Variants in JCAD observed in about 807,000 individuals in gnomAD.
JCAD encodes the protein junctional cadherin 5 associated.
In JCAD, 40 loss-of-function variants were observed where a neutral mutation model predicts 98.0. That is an observed-to-expected ratio of 0.41 (90% confidence interval 0.32 to 0.53). The LOEUF (loss-of-function observed/expected upper bound fraction) is 0.53. Among genes scored for constraint, JCAD ranks in the 20% least tolerant of loss-of-function variants. The pLI, the probability that JCAD is intolerant of heterozygous loss-of-function variation, is 0.31. For synonymous variants in JCAD, 691 were observed against 682.3 expected, an observed-to-expected ratio of 1.01 and a Z score of -0.20; for missense variants, 1,705 against 1,738.1, an observed-to-expected ratio of 0.98 and a Z score of 0.34.
At position 30,051,196 on chromosome 10, in the gene JCAD, A is replaced by G. The variant is rs551670628; in HGVS notation, c.-59-3325T>C. Among the ~76,000 whole-genome samples the G allele has an allele frequency of 3.9e-5, 6 of 152,256 alleles. No homozygotes were observed. The East Asian group carries it at 1.2e-3, about 29-fold the overall frequency. On this transcript the variant is annotated intron_variant, in intron 1 of 3. Transcript: ENST00000375377. ...AAAAACCATATATTTAAAAGGAAAA[A>G]AATTCTCCTTTATTCTCTAGGAGCA... is the stretch of plus-strand genomic sequence containing the variant.
chr10:30,053,001 C>T (rs1397544355), intron 1 of JCAD, among the ~76,000 whole-genome samples: 1 of 152,038 alleles, frequency 6.6e-6, no homozygotes, highest in African/African-American at 2.4e-5. Context: ...TGGCCTAGAA[C>T]ACAAACTAAA....
rs1181879667 is a variant in JCAD at position 30,027,871 on chromosome 10, G to A, written c.2277C>T (p.Ser759=). ...AAGTCCTTGAGAACGCACTGTTGCT[G>A]GATGGGCTGAGGGACCTGTGACCTT... ...NLKGHRSLSP[S]SNSAFSRTSL... The change falls in exon 3 of 4, where the codon TCC becomes TCT. Residue 759 remains serine, a synonymous_variant. Transcript: ENST00000375377. The A allele has an allele frequency of 1.9e-6, 3 of 1,614,246 alleles. No homozygotes were observed. Among genetic ancestry groups the A allele is most frequent in the Non-Finnish European group, 2.5e-6 (3 of 1,180,042 alleles).
At position 30,014,709 on chromosome 10, in the gene JCAD, G is replaced by A. The variant is rs958890322; in HGVS notation, c.*3174C>T. The A allele has an allele frequency of 6.6e-6, 1 of 152,062 alleles. No homozygotes were observed. Among genetic ancestry groups the A allele is most frequent in the Non-Finnish European group, 1.5e-5 (1 of 68,022 alleles). 9.4% of individuals were successfully genotyped at this position (152,062 alleles called of 1,614,324 possible). A position where few individuals can be genotyped will look rare whatever the true frequency, so the allele number is the denominator to read the frequency against. On this transcript the variant is annotated 3_prime_UTR_variant, in exon 4 of 4. Transcript: ENST00000375377. The stretch of plus-strand genomic sequence containing the variant: ...TGCTGTCAGAATAAGTCATTTTGCT[G>A]CTGCAAAAAATGATCACAGTCTGGT...
intron 2 of JCAD, among the ~76,000 whole-genome samples, chr10:30,045,626 C>T (rs1010839466): frequency 1.5e-4 from 23 of 152,186 alleles, no homozygotes; most frequent in Non-Finnish European, 1.9e-4. Context: ...CCTCAGACAA[C>T]TCACCCATAA....
chr10:30,019,563 A>AG (rs1836614306), intron 3 of JCAD, among the ~76,000 whole-genome samples: 1 of 151,298 alleles, frequency 6.6e-6, no homozygotes, highest in Non-Finnish European at 1.5e-5. Flanking sequence ...AAAAAAAAAA[A>AG]AAAGTTGAAA....
upstream of JCAD, among the ~76,000 whole-genome samples, chr10:30,062,988 G>A (rs1164569589): frequency 6.6e-6 from 1 of 151,982 alleles, no homozygotes; most frequent in African/African-American, 2.4e-5. Context: ...AAATCCACTG[G>A]GCCAGTTTCC....
At chr10:30,105,379 G>C (rs185328218) in intron 1 of JCAD, among the ~76,000 whole-genome samples, 1 of 149,676 alleles carries the variant, frequency 6.7e-6, no homozygotes. Flanking sequence ...TTTTGAGATG[G>C]AGTATTGCTC....
At chr10:30,073,677 C>CCTTCCTTCCTTG (rs1236166862) in intron 1 of JCAD, among the ~76,000 whole-genome samples, 1 of 38,726 alleles carries the variant, frequency 2.6e-5, no homozygotes, top group Non-Finnish European at 6.8e-5. Context: ...TTCCTTCCTT[C>CCTTCCTTCCTTG]CTTGCTTCCT....
At position 30,027,231 on chromosome 10, in the gene JCAD, A is replaced by C. The variant is rs1372142201; in HGVS notation, c.2917T>G (p.Phe973Val). 3 of 1,614,094 alleles carry C rather than the reference A, an allele frequency of 1.9e-6. No homozygotes were observed. The highest frequency in any genetic ancestry group is 2.5e-6 in the Non-Finnish European group (3 of 1,180,054). Reference protein sequence around the residue: ...NGMDELAGSPFPVTRMSSRSS... With the variant: ...NGMDELAGSPVPVTRMSSRSS... ...CTTGAAGACATTCTCGTCACAGGAA[A>C]TGGGCTACCTGCCAGCTCGTCCATT... Residue 973 changes from phenylalanine to valine, a missense_variant, in exon 3 of 4, where the codon TTT (phenylalanine) becomes GTT (valine). Phe to Val is a conservative substitution (Grantham distance 50, BLOSUM62 -1). This residue lies in a region of JCAD where 1,278 missense variants were observed against 1,243.1 expected (regional missense o/e 1.03). Coordinates refer to ENST00000375377, the MANE Select transcript of JCAD (RefSeq NM_020848.4).
intron 2 of JCAD, among the ~76,000 whole-genome samples, chr10:30,045,770 T>A (rs1387770675): frequency 6.6e-6 from 1 of 152,214 alleles, no homozygotes; most frequent in Non-Finnish European, 1.5e-5. Context: ...CATTGTGATT[T>A]TCCCCCCTGA....
At chr10:30,034,115 C>T (rs1012484692) in intron 2 of JCAD, among the ~76,000 whole-genome samples, 5 of 151,102 alleles carry the variant, frequency 3.3e-5, no homozygotes, top group South Asian at 2.1e-4. Context: ...CCTAGCTACC[C>T]GGGAGGCTGA....
rs557031905 is a variant in JCAD at position 30,100,421 on chromosome 10, G to A, written n.128+14946C>T. Among the ~76,000 whole-genome samples the A allele has an allele frequency of 8.4e-4, 128 of 152,152 alleles. 1 individual carries two copies. Among genetic ancestry groups the A allele is most frequent in the Admixed American group, 2.6e-3 (39 of 15,278 alleles). On this transcript the variant is annotated intron_variant and non_coding_transcript_variant, in intron 1 of 2. Coordinates refer to the JCAD transcript ENST00000465712. ...TGTTTGAGACAGATCTCACTCTGTC[G>A]CCCAGGCTGGAGTGCAGTGACGCGA...
Position 30,026,745 on chromosome 10 carries a change from C to T in JCAD, c.3403G>A (p.Ala1135Thr). The T allele has an allele frequency of 3.1e-6, 5 of 1,614,148 alleles. No individual in the cohort carries two copies. The South Asian group carries it at 4.4e-5, about 14-fold the overall frequency. Residue 1135 changes from alanine (A) to threonine (T), a missense_variant, in exon 3 of 4, where the codon GCA (alanine) becomes ACA (threonine). By Grantham distance (58) the Ala-to-Thr change is moderately conservative. Transcript: ENST00000375377. ...QEELLSRPAP[A>T]DVPRVSTDAF... Reference sequence around the variant, plus strand: ...TCAGTGGACACCCTGGGGACATCTGCCGGTGCTGGGCGAGATAGCAACTCT... The same window carrying T: ...TCAGTGGACACCCTGGGGACATCTGTCGGTGCTGGGCGAGATAGCAACTCT...
chr10:30,095,684 C>G (rs1315362055), intron 1 of JCAD, among the ~76,000 whole-genome samples: 2 of 152,190 alleles, frequency 1.3e-5, no homozygotes, highest in African/African-American at 4.8e-5. Flanking sequence ...TCCTCATGGT[C>G]AAGGGCTGTG....
chr10:30,111,953 T>A (rs1395622293), intron 1 of JCAD, among the ~76,000 whole-genome samples: 2 of 152,138 alleles, frequency 1.3e-5, no homozygotes, highest in Non-Finnish European at 2.9e-5. Context: ...GCAATTCCAC[T>A]CCCAGGTAGA....
Sources: gnomAD v4.1 joint callset for allele counts (sites outside exome capture counted in the v4.1 genomes callset) on GRCh38, gnomAD v4.1.1 for gene constraint, gnomAD v4.1.1 regional missense constraint, MANE v1.5 for transcripts, NCBI Gene and HGNC (gene_info 2026-07-23, HGNC 2026-07-21) for gene names.